The following VPS53 variants were observed in gnomAD, a reference collection of about 807,000 sequenced individuals.
The protein encoded by VPS53 is vacuolar protein sorting-associated protein 53 homolog.
A neutral mutation model predicts 107.0 loss-of-function variants in VPS53; 70 were observed. The observed-to-expected ratio is 0.65, with a 90% CI of 0.54 to 0.80. The LOEUF (loss-of-function observed/expected upper bound fraction) is 0.80, where lower values mean the gene tolerates loss of function less well. Ranked by LOEUF, VPS53 falls within the 30% of genes least tolerant of loss-of-function variation. The pLI is 0.00. For missense variants in VPS53, 917 were observed against 1,049.4 expected (o/e 0.87, Z 1.74); for synonymous variants, 409 against 393.3 (o/e 1.04, Z -0.47).
intron 4 of VPS53, among the ~76,000 whole-genome samples, chr17:691,597 T>A (rs1489053763): frequency 6.6e-6 from 1 of 152,184 alleles, no homozygotes; most frequent in Non-Finnish European, 1.5e-5. Flanking sequence ...ACATGGAAAA[T>A]TCCAGAAACA....
In VPS53 at chr17:665,975, A is replaced by C. The variant is rs547110262; in HGVS notation, c.286-4080T>G. On this transcript the variant is annotated intron_variant, in intron 4 of 21. Transcript: ENST00000437048. Reference sequence around the variant, plus strand: ...GCTGAGATAGCACCACTGCACTCCAACCTGGGTAATAAGAGCAAAACTCTG... The same window carrying C: ...GCTGAGATAGCACCACTGCACTCCACCCTGGGTAATAAGAGCAAAACTCTG... Among the ~76,000 whole-genome samples the C allele has an allele frequency of 3.9e-5, 6 of 152,220 alleles. No homozygotes were observed. The South Asian group carries it at 8.3e-4, about 21-fold the overall frequency.
chr17:652,618 A>AG (rs1346103038), intron 7 of VPS53, among the ~76,000 whole-genome samples: 1 of 152,176 alleles, frequency 6.6e-6, no homozygotes, highest in Non-Finnish European at 1.5e-5. Context: ...CAGCCATGAG[A>AG]GTGAGCCAAT....
rs1384156364 is a variant in VPS53 at position 516,505 on chromosome 17, GT to G, written c.*2622del. On this transcript the variant is annotated 3_prime_UTR_variant, in exon 22 of 22. Transcript: ENST00000437048. ...CCTCAGCCTCCCAAGTAGCTGGGAGGTGTGCACGCCACCACACCCCGGTAAT... is the reference window on the plus strand; with the variant it reads ...CCTCAGCCTCCCAAGTAGCTGGGAGGGTGCACGCCACCACACCCCGGTAAT... The G allele has an allele frequency of 2.6e-5, 4 of 152,038 alleles. No individual in the cohort carries two copies. Among genetic ancestry groups the G allele is most frequent in the African/African-American group, 7.3e-5 (3 of 41,378 alleles). 9.4% of individuals were successfully genotyped at this position (152,038 alleles called of 1,614,324 possible).
chr17:687,734 T>A (rs62053808), intron 4 of VPS53, among the ~76,000 whole-genome samples: 2,912 of 152,218 alleles, frequency 0.019, 44 homozygotes, highest in Non-Finnish European at 0.03. Context: ...TAAGACCCTG[T>A]CTCAAAAACA....
chr17:663,558 G>A (rs989106832), intron 4 of VPS53, among the ~76,000 whole-genome samples: 8 of 152,128 alleles, frequency 5.3e-5, no homozygotes, highest in African/African-American at 1.9e-4. Flanking sequence ...GCCCACAGAC[G>A]TGTATAGACC....
chr17:559,490 C>A (rs1163559494), intron 15 of VPS53, among the ~76,000 whole-genome samples: 1 of 152,178 alleles, frequency 6.6e-6, no homozygotes, highest in Admixed American at 6.5e-5. Context: ...CAAGGCCAAA[C>A]CCTGGAAGGT....
At chr17:685,779 C>G (rs777258878) in intron 4 of VPS53, among the ~76,000 whole-genome samples, 1 of 151,924 alleles carries the variant, frequency 6.6e-6, no homozygotes, top group African/African-American at 2.4e-5. Context: ...GCAGGAAGAT[C>G]GCTTGAGGTA....
chr17:620,817 A>G (rs1434880651), intron 11 of VPS53, among the ~76,000 whole-genome samples: 1 of 151,836 alleles, frequency 6.6e-6, no homozygotes, highest in Non-Finnish European at 1.5e-5. Flanking sequence ...CACGGTAGCC[A>G]GGCTGCTCTC....
intron 12 of VPS53, among the ~76,000 whole-genome samples, chr17:599,775 AC>A (rs556116953): frequency 0.21 from 26,006 of 125,578 alleles, 2,758 homozygotes; most frequent in East Asian, 0.6. Flanking sequence ...AAAAAAAAAA[AC>A]AAAAACAAAA....
intron 13 of VPS53, among the ~76,000 whole-genome samples, chr17:581,635 G>A (rs1967022929): frequency 6.6e-6 from 1 of 151,614 alleles, no homozygotes; most frequent in Non-Finnish European, 1.5e-5. Flanking sequence ...ACCTCCCTAA[G>A]GACGTAATGC....
At chr17:635,951 G>C (rs2143236980) in intron 7 of VPS53, among the ~76,000 whole-genome samples, 1 of 152,318 alleles carries the variant, frequency 6.6e-6, no homozygotes, top group Middle Eastern at 3.4e-3. Flanking sequence ...TTGGTAGCTT[G>C]ATGGGGATGG....
chr17:628,288 G>A, intron 8 of VPS53, 57 bp from the exon 9 acceptor site: 1 of 1,588,276 alleles, frequency 6.3e-7, no homozygotes, highest in East Asian at 2.2e-5. Flanking sequence ...AAACCTCATG[G>A]CTTCTCACAG....
chr17:661,028 C>T (rs1395637911), intron 5 of VPS53, among the ~76,000 whole-genome samples: 1 of 151,944 alleles, frequency 6.6e-6, no homozygotes, highest in Non-Finnish European at 1.5e-5. Context: ...AGAACTCAAC[C>T]AAAACCACAT....
intron 4 of VPS53, among the ~76,000 whole-genome samples, chr17:675,930 T>G (rs1382344213): frequency 6.6e-6 from 1 of 152,132 alleles, no homozygotes; most frequent in African/African-American, 2.4e-5. Context: ...ACACAGCATC[T>G]GTTCAGAGTC....
intron 7 of VPS53, among the ~76,000 whole-genome samples, chr17:648,993 G>T (rs553836317): frequency 4.3e-4 from 2 of 4,692 alleles, no homozygotes; most frequent in Non-Finnish European, 1.4e-3. Flanking sequence ...TACACTAGAG[G>T]ACAGAGGAAT....
chr17:599,137 AG>A (rs1164731173), intron 12 of VPS53, among the ~76,000 whole-genome samples: 1 of 147,102 alleles, frequency 6.8e-6, no homozygotes, highest in African/African-American at 2.5e-5. Flanking sequence ...TGGGGGGGTC[AG>A]CCCCCCGCCC....
At chr17:707,904 C>CA (rs1035047130) in intron 2 of VPS53, among the ~76,000 whole-genome samples, 9 of 151,706 alleles carry the variant, frequency 5.9e-5, no homozygotes, top group Non-Finnish European at 1.2e-4. Flanking sequence ...ATGTGGTCTC[C>CA]AAAAAAACTG....
At chr17:631,102 T>C (rs1969940552) in intron 8 of VPS53, among the ~76,000 whole-genome samples, 1 of 151,930 alleles carries the variant, frequency 6.6e-6, no homozygotes, top group Admixed American at 6.6e-5. Context: ...AGAGCAGGCT[T>C]ATGGTCAGTA....
chr17:659,211 C>T (rs1033734709), intron 5 of VPS53, among the ~76,000 whole-genome samples: 4 of 152,138 alleles, frequency 2.6e-5, no homozygotes, highest in African/African-American at 9.7e-5. Flanking sequence ...CATCCTTTTT[C>T]CTACAAAAAA....
Sources: gnomAD v4.1 joint callset for allele counts (sites outside exome capture counted in the v4.1 genomes callset) on GRCh38, gnomAD v4.1.1 for gene constraint, MANE v1.5 for transcripts, NCBI Gene and HGNC (gene_info 2026-07-23, HGNC 2026-07-21) for gene names.